Variants in PZP observed in about 807,000 individuals in gnomAD.
PZP encodes the protein pregnancy zone protein.
In PZP, 150 loss-of-function variants were observed where a neutral mutation model predicts 179.8. The observed-to-expected ratio is 0.83, with a 90% confidence interval of 0.73 to 0.96. The LOEUF is 0.96. Ranked by LOEUF, PZP falls within the 40% of genes least tolerant of loss-of-function variation. The pLI is 0.00. For missense variants in PZP, 1,689 were observed against 1,764.0 expected, an observed-to-expected ratio of 0.96 and a Z score of 0.76; for synonymous variants, 624 against 652.3, an observed-to-expected ratio of 0.96 and a Z score of 0.66.
At position 9,170,634 on chromosome 12, in the gene PZP, TGAGGAC is replaced by T. The variant is rs928240560; in HGVS notation, c.1840-1049_1840-1044del. Among the ~76,000 whole-genome samples the T allele has an allele frequency of 2.0e-5, 3 of 152,124 alleles. No individual in the cohort carries two copies. Among genetic ancestry groups the T allele is most frequent in the African/African-American group, 7.2e-5 (3 of 41,436 alleles). ...GAGGTGGGTGCCATCTCTGTGGTTC[TGAGGAC>T]TCAGCCACTCCAGCCTGAAGGCTTG... On this transcript the variant is annotated intron_variant, in intron 15 of 35. Coordinates refer to ENST00000261336, the MANE Select transcript of PZP (RefSeq NM_002864.3). This position sits in a 1 kb window ranked among gnomAD's most constrained non-coding sequence, Gnocchi z 4.6.
At chr12:9,151,004 G>T (rs1940315952) in intron 33 of PZP, among the ~76,000 whole-genome samples, 1 of 152,076 alleles carries the variant, frequency 6.6e-6, no homozygotes, top group South Asian at 2.1e-4. Context: ...TAACTCTCTG[G>T]GCCCATGTGA....
intron 28 of PZP, chr12:9,156,089 C>T: frequency 4.3e-6 from 1 of 233,580 alleles, no homozygotes; most frequent in Non-Finnish European, 8.8e-6. Context: ...TGTTCTGCAG[C>T]TCCTGTTATA....
At position 9,166,063 on chromosome 12, in the gene PZP, CA is replaced by C; in HGVS notation, c.2246del (p.Leu749TrpfsTer4). 3 of 1,606,360 alleles carry C rather than the reference CA, an allele frequency of 1.9e-6. No homozygotes were observed. Among genetic ancestry groups the C allele is most frequent in the Non-Finnish European group, 2.5e-6 (3 of 1,178,038 alleles). Reference protein sequence around the residue: ...SYFPETWIWELVAVNSSGVAE... With the variant: ...SYFPETWIWEXVAVNSSGVAE... The stretch of plus-strand genomic sequence containing the variant: ...GTAAAGTTACTTACTTCACTGCCAC[CA>C]ACTCCCAGATCCAAGTCTCAGGAAA... On this transcript the variant is annotated frameshift_variant, in exon 18 of 36. Coordinates refer to ENST00000261336, the MANE Select transcript of PZP (RefSeq NM_002864.3). LOFTEE classifies it high-confidence loss of function.
the PZP span, among the ~76,000 whole-genome samples, chr12:9,141,982 G>C: frequency 3.9e-5 from 6 of 152,132 alleles, no homozygotes; most frequent in Non-Finnish European, 7.4e-5. Context: ...CTTTTAAATT[G>C]TACAACATTT....
intron 13 of PZP, among the ~76,000 whole-genome samples, chr12:9,187,164 A>G (rs1365354689): frequency 2.6e-5 from 4 of 151,904 alleles, no homozygotes; most frequent in African/African-American, 4.8e-5. Context: ...ATCTACATGC[A>G]CCCAACACAG....
chr12:9,160,603 T>C, intron 23 of PZP, 113 bp from the exon 24 acceptor site: 1 of 953,830 alleles, frequency 1.0e-6, no homozygotes, highest in Non-Finnish European at 1.6e-6. Flanking sequence ...AGAGAAAAGT[T>C]ATATACACAG....
rs1024178947 is a variant in PZP at position 9,170,770 on chromosome 12, C to T, written c.1840-1179G>A. Among the ~76,000 whole-genome samples, 5 of 152,200 alleles carry T rather than the reference C, an allele frequency of 3.3e-5. No individual in the cohort carries two copies. Among genetic ancestry groups the T allele is most frequent in the Non-Finnish European group, 5.9e-5 (4 of 68,040 alleles). ...TCTTTAAGTGGGACCCTGATCCATT[C>T]CTCCTCATCGAGTGGGACCTTTCTG... On this transcript the variant is annotated intron_variant, in intron 15 of 35. Coordinates refer to ENST00000261336, the MANE Select transcript of PZP (RefSeq NM_002864.3). The surrounding 1 kb of genome is among the most constrained non-coding windows in gnomAD (Gnocchi z 4.6).
chr12:9,149,510 G>C, intron 35 of PZP, 51 bp downstream of exon 35: 1 of 1,530,104 alleles, frequency 6.5e-7, no homozygotes, highest in Non-Finnish European at 8.9e-7. Context: ...AGGGGCCCTT[G>C]GAGAGTGGGT....
Position 9,157,763 on chromosome 12 carries a change from C to T in PZP, c.3369+4G>A. ...GTAGGGAATGGGATTGAGCTGGTAC[C>T]TACAGTGACTGGGAGAGGAATTTCC... On this transcript the variant is annotated splice_donor_region_variant and intron_variant, in intron 27 of 35. Coordinates refer to ENST00000261336, the MANE Select transcript of PZP (RefSeq NM_002864.3). 15 of 1,612,918 alleles carry T rather than the reference C, an allele frequency of 9.3e-6. No homozygotes were observed. Among genetic ancestry groups the T allele is most frequent in the Non-Finnish European group, 1.3e-5 (15 of 1,178,928 alleles).
chr12:9,158,619 G>A, intron 25 of PZP, 43 bp from the exon 26 acceptor site: 1 of 1,596,710 alleles, frequency 6.3e-7, no homozygotes, highest in African/African-American at 1.3e-5. Flanking sequence ...TTTTCATTGA[G>A]CACTTTACTG....
chr12:9,169,885 A>C (rs2377743), intron 15 of PZP: 133,569 of 218,384 alleles, frequency 0.61, 42,192 homozygotes, highest in East Asian at 0.83. Flanking sequence ...TATAGAAAGA[A>C]GACGTAACTT....
intron 6 of PZP, 87 bp from the exon 7 acceptor site, chr12:9,200,535 A>G (rs1944095539): frequency 1.9e-6 from 2 of 1,029,262 alleles, no homozygotes; most frequent in Non-Finnish European, 2.9e-6. Context: ...AATTTTTCCC[A>G]AAATAACACT....
chr12:9,163,434 C>A (rs1042737860), intron 21 of PZP, among the ~76,000 whole-genome samples: 35 of 146,874 alleles, frequency 2.4e-4, no homozygotes, highest in Non-Finnish European at 4.2e-4. Flanking sequence ...GCCTGTGCAA[C>A]AGAGCAAAAC....
chr12:9,153,842 A>G (rs994097893), intron 29 of PZP, among the ~76,000 whole-genome samples: 1 of 152,200 alleles, frequency 6.6e-6, no homozygotes, highest in Non-Finnish European at 1.5e-5. Flanking sequence ...GAAAGAAGAC[A>G]TGTAGGAGGG....
chr12:9,180,409 G>T (rs1175975111), intron 15 of PZP, among the ~76,000 whole-genome samples: 3 of 152,116 alleles, frequency 2.0e-5, no homozygotes, highest in Non-Finnish European at 4.4e-5. Flanking sequence ...ATACTATAAG[G>T]CTACAGTAAC....
rs767544910 is a variant in PZP, at chr12:9,152,889, C to A, written c.4056G>T (p.Gln1352His). The change falls in exon 31 of 36, where the codon CAG becomes CAT. Residue 1352 changes from glutamine (Q) to histidine (H), a missense_variant. Around this residue, in one of 3 missense-constraint regions of PZP, gnomAD observed 746 missense variants for 749.2 expected, o/e 1.00. Transcript: ENST00000261336. Reference protein sequence around the residue: ...KEDSPFALKVQTVPQTCDGHK... With the variant: ...KEDSPFALKVHTVPQTCDGHK... ...GTCCATCGCAAGTTTGGGGCACAGTCTGCACTTTTAAAGCAAATGGGGAGT... is the reference window on the plus strand; with the variant it reads ...GTCCATCGCAAGTTTGGGGCACAGTATGCACTTTTAAAGCAAATGGGGAGT... 8 of 1,613,966 alleles carry A rather than the reference C, an allele frequency of 5.0e-6. No homozygotes were observed. In the African/African-American group the frequency reaches 1.1e-4, roughly 22 times the overall value.
Position 9,160,320 on chromosome 12 carries a change from T to C in PZP, c.3043A>G (p.Ile1015Val). 6.2e-7 allele frequency: 1 copy of C among 1,610,074 alleles called. No homozygotes were observed. Among genetic ancestry groups the C allele is most frequent in the Non-Finnish European group, 8.5e-7 (1 of 1,178,782 alleles). The change falls in exon 24 of 36, where the codon ATC (isoleucine) becomes GTC (valine). Residue 1015 changes from isoleucine (I) to valine (V), a missense_variant. Physicochemically the swap from Ile to Val is conservative, Grantham distance 29. Transcript: ENST00000261336. ...TTTTCTCTGTCTCACTTACCAGTGA[T>C]GAGATAGCCAACGGCCTTGGCCTTG... ...EIKAKAVGYLITGYQRQLNYK... is the reference protein window; with the variant it reads ...EIKAKAVGYLVTGYQRQLNYK...
rs1944308270 is a variant in PZP, at chr12:9,203,751, G to A, written c.267+17C>T. On this transcript the variant is annotated intron_variant, in intron 2 of 35. Coordinates refer to ENST00000261336, the MANE Select transcript of PZP (RefSeq NM_002864.3). ...ATGTATCAAGCAGGGATAGCCAGCT[G>A]GCACCGTAGCACTCACAGTGAAGGA... The A allele has an allele frequency of 6.2e-7, 1 of 1,613,464 alleles. No individual in the cohort carries two copies. The highest frequency in any genetic ancestry group is 8.5e-7 in the Non-Finnish European group (1 of 1,179,696).
chr12:9,170,693 C>T lies in PZP; in HGVS notation c.1840-1102G>A, dbSNP rs907559550. 6.6e-6 allele frequency among the ~76,000 whole-genome samples: 1 copy of T among 152,168 alleles called. No individual in the cohort carries two copies. Among genetic ancestry groups the T allele is most frequent in the Non-Finnish European group, 1.5e-5 (1 of 68,036 alleles). ...GAATACAGATGGTCTGGATGAGGAA[C>T]GGTCCCCCACGATGCAGCACAGCTG... On this transcript the variant is annotated intron_variant, in intron 15 of 35. Coordinates refer to ENST00000261336, the MANE Select transcript of PZP (RefSeq NM_002864.3). This position sits in a 1 kb window ranked among gnomAD's most constrained non-coding sequence, Gnocchi z 4.6.
Sources: allele counts gnomAD v4.1 joint callset (sites outside exome capture counted in the v4.1 genomes callset), GRCh38; gene constraint gnomAD v4.1.1; regional missense constraint gnomAD v4.1.1; non-coding constraint Gnocchi (gnomAD v3.1); transcripts MANE v1.5; gene names NCBI Gene and HGNC (gene_info 2026-07-23, HGNC 2026-07-21).